NDUFA9: variants seen among roughly 807,000 people sequenced by gnomAD.
NDUFA9 encodes the protein NADH:ubiquinone oxidoreductase subunit A9, also known as NADH dehydrogenase [ubiquinone] 1 alpha subcomplex subunit 9, mitochondrial.
Under a neutral mutation model 45.9 loss-of-function variants are expected in NDUFA9, and 23 were observed. The observed-to-expected ratio is 0.50, with a 90% confidence interval of 0.36 to 0.71. The LOEUF is 0.71. NDUFA9 is among the 30% of genes least tolerant of loss of function. NDUFA9 has a pLI of 0.00. For missense variants in NDUFA9, 466 were observed against 488.2 expected (o/e 0.95, Z 0.43); for synonymous variants, 176 against 170.5 (o/e 1.03, Z -0.25).
rs1946027531 is a variant in NDUFA9, at chr12:4,693,291, G to A, written c.*6183G>A. 6.6e-6 allele frequency: 1 copy of A among 152,168 alleles called. No homozygotes were observed. The allele number at this position is 152,168 out of a possible 1,614,324, so 9.4% of individuals were successfully genotyped here. The stretch of plus-strand genomic sequence containing the variant: ...TCGGACCCCAAATTGTTCTGGTCTT[G>A]TTCAGGTAATAATTTTAATTCTATA... On this transcript the variant is annotated 3_prime_UTR_variant, in exon 11 of 11. Coordinates refer to ENST00000266544, the MANE Select transcript of NDUFA9 (RefSeq NM_005002.5).
At chr12:4,650,789 C>T (rs928884451) in intron 1 of NDUFA9, among the ~76,000 whole-genome samples, 2 of 152,098 alleles carry the variant, frequency 1.3e-5, no homozygotes, top group Non-Finnish European at 2.9e-5. Context: ...TCTGGAAAGT[C>T]CTCTGGCAAA....
chr12:4,677,852 G>A (rs1311218439), intron 8 of NDUFA9, among the ~76,000 whole-genome samples: 2 of 152,010 alleles, frequency 1.3e-5, no homozygotes, highest in African/African-American at 2.4e-5. Flanking sequence ...TGTTTATTAC[G>A]GCACTGTTCA....
At chr12:4,682,433 T>C (rs1945959246) in intron 9 of NDUFA9, 133 bp downstream of exon 9, 8 of 492,620 alleles carry the variant, frequency 1.6e-5, no homozygotes, top group Non-Finnish European at 2.2e-5. Flanking sequence ...GACATTAGCA[T>C]AGAGAAGAAG....
intron 4 of NDUFA9, among the ~76,000 whole-genome samples, chr12:4,658,628 A>C (rs978948760): frequency 6.6e-6 from 1 of 152,246 alleles, no homozygotes; most frequent in Non-Finnish European, 1.5e-5. Flanking sequence ...GGATTCCCTG[A>C]TAATGCAGAA....
At chr12:4,649,225 A>G (rs756622992) in intron 1 of NDUFA9, 50 bp downstream of exon 1, 4 of 1,570,458 alleles carry the variant, frequency 2.5e-6, no homozygotes, top group African/African-American at 1.4e-5. Flanking sequence ...CGAGACGGGG[A>G]TTTAAGGTTT....
Position 4,663,522 on chromosome 12 carries a change from C to T in NDUFA9, c.655+887C>T, listed in dbSNP as rs116011809. On this transcript the variant is annotated intron_variant, in intron 6 of 10. Transcript: ENST00000266544. ...AGAAGAGGCAAAAAGAGAGATCTCTCTCTCCCTGTGTGCACATACTGAGGA... is the reference window on the plus strand; with the variant it reads ...AGAAGAGGCAAAAAGAGAGATCTCTTTCTCCCTGTGTGCACATACTGAGGA... Among the ~76,000 whole-genome samples, 559 of 152,254 alleles carry T rather than the reference C, an allele frequency of 3.7e-3. 5 individuals carry two copies. Among genetic ancestry groups the T allele is most frequent in the African/African-American group, 0.013 (531 of 41,540 alleles).
chr12:4,688,407 C>G lies in NDUFA9; in HGVS notation c.*1299C>G, dbSNP rs1946000176. 1 of 151,340 alleles carries G rather than the reference C, an allele frequency of 6.6e-6. No homozygotes were observed. Among genetic ancestry groups the G allele is most frequent in the Non-Finnish European group, 1.5e-5 (1 of 67,962 alleles). 9.4% of individuals were successfully genotyped at this position (151,340 alleles called of 1,614,324 possible). ...GGCTAAGGTATGATGATTGCTTGAG[C>G]CTGGGAGTTCAAGGTTACAGTGAGC... On this transcript the variant is annotated 3_prime_UTR_variant, in exon 11 of 11. Transcript: ENST00000266544.
intron 10 of NDUFA9, 126 bp downstream of exon 10, chr12:4,685,451 C>T (rs1945979989): frequency 1.2e-6 from 1 of 842,682 alleles, no homozygotes; most frequent in African/African-American, 1.7e-5. Context: ...CAGTCAGCCC[C>T]TCTACTAGCG....
intron 8 of NDUFA9, among the ~76,000 whole-genome samples, chr12:4,678,419 C>G (rs1489715978): frequency 1.3e-5 from 2 of 151,854 alleles, no homozygotes. Flanking sequence ...CATCAAAAGC[C>G]TATTTCATAA....
intron 1 of NDUFA9, among the ~76,000 whole-genome samples, chr12:4,651,374 G>A (rs1279218579): frequency 6.6e-6 from 1 of 152,084 alleles, no homozygotes; most frequent in African/African-American, 2.4e-5. Context: ...CCTAGTATTT[G>A]CAAGGCACTG....
chr12:4,650,616 G>C (rs1010318846), intron 1 of NDUFA9, among the ~76,000 whole-genome samples: 1 of 152,182 alleles, frequency 6.6e-6, no homozygotes, highest in Non-Finnish European at 1.5e-5. Context: ...CTATAGGACA[G>C]AACTGTGTAA....
At chr12:4,651,154 A>G (rs1945757726) in intron 1 of NDUFA9, among the ~76,000 whole-genome samples, 1 of 152,190 alleles carries the variant, frequency 6.6e-6, no homozygotes, top group Non-Finnish European at 1.5e-5. Flanking sequence ...TTAAATAAAT[A>G]CTTAAAAAAA....
rs1946004451 is a variant in NDUFA9, at chr12:4,689,079, T to G, written c.*1971T>G. 1 of 152,248 alleles carries G rather than the reference T, an allele frequency of 6.6e-6. No individual in the cohort carries two copies. Among genetic ancestry groups the G allele is most frequent in the African/African-American group, 2.4e-5 (1 of 41,464 alleles). The allele number at this position is 152,248 out of a possible 1,614,324, so 9.4% of individuals were successfully genotyped here. ...CAGTGTAATTGGGATATCCATCACC[T>G]TAAACATTTACCTTTATGCTAGTAA... On this transcript the variant is annotated 3_prime_UTR_variant, in exon 11 of 11. Coordinates refer to ENST00000266544, the MANE Select transcript of NDUFA9 (RefSeq NM_005002.5).
chr12:4,676,810 C>T (rs1443927392), intron 8 of NDUFA9, among the ~76,000 whole-genome samples: 1 of 152,162 alleles, frequency 6.6e-6, no homozygotes, highest in African/African-American at 2.4e-5. Flanking sequence ...CTTTAAATTT[C>T]ATATGGAACC....
intron 8 of NDUFA9, among the ~76,000 whole-genome samples, chr12:4,678,882 G>A (rs187414889): frequency 2.0e-5 from 3 of 152,124 alleles, no homozygotes; most frequent in African/African-American, 4.8e-5. Flanking sequence ...TAAAAAGTTA[G>A]CATAAATTTA....
chr12:4,674,445 GAC>G (rs1306727705), intron 8 of NDUFA9, among the ~76,000 whole-genome samples: 6 of 152,154 alleles, frequency 3.9e-5, no homozygotes, highest in Admixed American at 3.9e-4. Context: ...CACATGCAAA[GAC>G]ACACATAGGC....
chr12:4,663,119 A>T (rs139998274), intron 6 of NDUFA9, among the ~76,000 whole-genome samples: 232 of 152,244 alleles, frequency 1.5e-3, no homozygotes, highest in African/African-American at 5.2e-3. Context: ...ACTTAGCAAT[A>T]TGCATTTAAG....
chr12:4,649,269 A>G, intron 1 of NDUFA9, 94 bp downstream of exon 1: 1 of 1,409,490 alleles, frequency 7.1e-7, no homozygotes, highest in South Asian at 1.2e-5. Context: ...GGTCACGCCA[A>G]CTTCCTAGGC....
chr12:4,653,041 G>A (rs147192697), intron 1 of NDUFA9, among the ~76,000 whole-genome samples: 46 of 152,372 alleles, frequency 3.0e-4, no homozygotes, highest in African/African-American at 7.9e-4. Context: ...GCTAAGCTCC[G>A]AAGTTTGTTG....
Sources: allele counts gnomAD v4.1 joint callset (sites outside exome capture counted in the v4.1 genomes callset), GRCh38; gene constraint gnomAD v4.1.1; transcripts MANE v1.5; gene names NCBI Gene and HGNC (gene_info 2026-07-23, HGNC 2026-07-21).